Variants in EEFSEC observed in about 807,000 individuals in gnomAD.
The protein encoded by EEFSEC is selenocysteine-specific elongation factor.
In EEFSEC, 43 loss-of-function variants were observed where a neutral mutation model predicts 42.1. The observed-to-expected ratio is 1.02, with a 90% confidence interval of 0.80 to 1.32. EEFSEC has a LOEUF of 1.32. Among genes scored for constraint, EEFSEC ranks in the 40% most tolerant of loss-of-function variants. The probability of loss-of-function intolerance (pLI) is 0.00; values close to 1 mark genes in which losing one functional copy is unlikely to be tolerated. For missense variants in EEFSEC, 745 were observed against 803.6 expected (o/e 0.93, Z 0.88); for synonymous variants, 354 against 339.1 (o/e 1.04, Z -0.48).
Position 128,153,651 on chromosome 3 carries a change from G to A in EEFSEC, c.144G>A (p.Thr48=). The A allele has an allele frequency of 6.3e-7, 1 of 1,598,440 alleles. No homozygotes were observed. The highest frequency in any genetic ancestry group is 8.5e-7 in the Non-Finnish European group (1 of 1,178,174). Reference sequence around the variant, plus strand: ...CGCAGAGCCGCGAGCGCGGCATCACGCTCGATCTGGGCTTCTCGTGCTTCT... The same window carrying A: ...CGCAGAGCCGCGAGCGCGGCATCACACTCGATCTGGGCTTCTCGTGCTTCT... The part of the protein sequence containing the change: ...KQPQSRERGI[T]LDLGFSCFSV... Residue 48 remains threonine, a synonymous_variant, in exon 1 of 7, where the codon ACG becomes ACA. Transcript: ENST00000254730.
At chr3:128,361,613 G>A (rs1294729326) in intron 6 of EEFSEC, among the ~76,000 whole-genome samples, 1 of 152,200 alleles carries the variant, frequency 6.6e-6, no homozygotes. Context: ...TGATGCTAGG[G>A]CTGTTGACTC....
At chr3:128,282,490 G>T (rs985794458) in intron 4 of EEFSEC, among the ~76,000 whole-genome samples, 1 of 152,228 alleles carries the variant, frequency 6.6e-6, no homozygotes, top group Admixed American at 6.5e-5. Context: ...TTGTTCCAGC[G>T]CAATTGAAAG....
At chr3:128,204,764 C>G (rs998795720) in intron 1 of EEFSEC, among the ~76,000 whole-genome samples, 1 of 151,968 alleles carries the variant, frequency 6.6e-6, no homozygotes, top group Non-Finnish European at 1.5e-5. Context: ...GCAGTCTGTG[C>G]GTCAGTGAGA....
At chr3:128,269,913 G>GATGGTTCTGAT (rs2066396680) in intron 4 of EEFSEC, among the ~76,000 whole-genome samples, 1 of 152,206 alleles carries the variant, frequency 6.6e-6, no homozygotes, top group Non-Finnish European at 1.5e-5. Context: ...TTGGCTATCA[G>GATGGTTCTGAT]GGTTGTAACA....
the EEFSEC span, among the ~76,000 whole-genome samples, chr3:128,425,575 C>T: frequency 6.6e-6 from 1 of 152,230 alleles, no homozygotes; most frequent in Admixed American, 6.5e-5. Flanking sequence ...GTTTCCCACC[C>T]CAGCTGCTGT....
chr3:128,245,769 A>G (rs1559884576), intron 1 of EEFSEC, among the ~76,000 whole-genome samples: 1 of 152,180 alleles, frequency 6.6e-6, no homozygotes, highest in African/African-American at 2.4e-5. Flanking sequence ...CATCTGAAAC[A>G]TAAGTTTACT....
chr3:128,254,299 C>T (rs2066219462), intron 2 of EEFSEC, among the ~76,000 whole-genome samples: 1 of 152,208 alleles, frequency 6.6e-6, no homozygotes, highest in Admixed American at 6.5e-5. Context: ...ATATGGAGCA[C>T]AGGCCAGGAA....
Position 128,182,931 on chromosome 3 carries a change from GA to G in EEFSEC, c.316+29109del, listed in dbSNP as rs1048330230. On this transcript the variant is annotated intron_variant, in intron 1 of 6. Transcript: ENST00000254730. ...AGTAGTGGGGGTGGGCGGGTTGCCAGAGAGAAGGAGCGGGAAGAGGCCTTTC... is the reference window on the plus strand; with the variant it reads ...AGTAGTGGGGGTGGGCGGGTTGCCAGGAGAAGGAGCGGGAAGAGGCCTTTC... Among the ~76,000 whole-genome samples the G allele has an allele frequency of 3.3e-5, 5 of 152,008 alleles. 1 individual carries two copies. The highest frequency in any genetic ancestry group is 3.3e-4 in the Admixed American group (5 of 15,268).
intron 4 of EEFSEC, among the ~76,000 whole-genome samples, chr3:128,270,750 G>A (rs143403851): frequency 3.4e-4 from 52 of 152,306 alleles, no homozygotes; most frequent in Non-Finnish European, 5.4e-4. Context: ...CTTCCCAGAG[G>A]AATGCTGCAT....
At chr3:128,377,064 GTATA>G (rs1343610365) in intron 6 of EEFSEC, among the ~76,000 whole-genome samples, 1 of 151,918 alleles carries the variant, frequency 6.6e-6, no homozygotes, top group Non-Finnish European at 1.5e-5. Flanking sequence ...TAACCTAGAA[GTATA>G]ATAGTAATAG....
chr3:128,406,871 T>TAC (rs2068120706), intron 6 of EEFSEC, among the ~76,000 whole-genome samples: 1 of 151,320 alleles, frequency 6.6e-6, no homozygotes, highest in African/African-American at 2.4e-5. Flanking sequence ...TACATATATA[T>TAC]ACATACATAT....
chr3:128,307,308 G>A (rs2066839065), intron 4 of EEFSEC, among the ~76,000 whole-genome samples: 1 of 152,216 alleles, frequency 6.6e-6, no homozygotes, highest in Non-Finnish European at 1.5e-5. Context: ...ATGTTCCCTG[G>A]GGCCCAGACC....
At chr3:128,247,196 A>G (rs1198445506) in intron 2 of EEFSEC, among the ~76,000 whole-genome samples, 153 bp downstream of exon 2, 1 of 152,256 alleles carries the variant, frequency 6.6e-6, no homozygotes, top group African/African-American at 2.4e-5. Flanking sequence ...TAAGGGCTGC[A>G]TTAAATGAGG....
At chr3:128,402,875 C>T (rs2107636914) in intron 6 of EEFSEC, among the ~76,000 whole-genome samples, 1 of 152,322 alleles carries the variant, frequency 6.6e-6, no homozygotes, top group East Asian at 1.9e-4. Context: ...CCGCCACTCA[C>T]CAGCAATCAC....
intron 4 of EEFSEC, among the ~76,000 whole-genome samples, chr3:128,300,480 C>T (rs1290409433): frequency 1.4e-5 from 2 of 140,054 alleles, no homozygotes; most frequent in Non-Finnish European, 3.0e-5. Context: ...GTAGTCCCAG[C>T]TACTCAGGAG....
chr3:128,401,690 G>A, intron 6 of EEFSEC, among the ~76,000 whole-genome samples: 1 of 152,196 alleles, frequency 6.6e-6, no homozygotes, highest in Middle Eastern at 3.2e-3. Context: ...GGTGGAGCCA[G>A]GTCTAGATGT....
At chr3:128,411,617 CCGACA>C (rs1474436119), downstream of EEFSEC, among the ~76,000 whole-genome samples, 1 of 152,106 alleles carries the variant, frequency 6.6e-6, no homozygotes, top group Non-Finnish European at 1.5e-5. Context: ...AGGTCATGGA[CCGACA>C]TCCTGCCATG....
At chr3:128,166,970 G>C (rs1159243723) in intron 1 of EEFSEC, among the ~76,000 whole-genome samples, 1 of 152,112 alleles carries the variant, frequency 6.6e-6, no homozygotes, top group Non-Finnish European at 1.5e-5. Context: ...AGAAGTCTTT[G>C]TTTGCTCTCT....
intron 4 of EEFSEC, among the ~76,000 whole-genome samples, chr3:128,334,577 G>T (rs913731638): frequency 6.6e-6 from 1 of 152,214 alleles, no homozygotes; most frequent in African/African-American, 2.4e-5. Context: ...CCATAAAATT[G>T]AATGTCAAAA....
Sources: gnomAD v4.1 joint callset for allele counts (sites outside exome capture counted in the v4.1 genomes callset) on GRCh38, gnomAD v4.1.1 for gene constraint, MANE v1.5 for transcripts, NCBI Gene and HGNC (gene_info 2026-07-23, HGNC 2026-07-21) for gene names.